The following KLHL3 variants were observed in gnomAD, a reference collection of about 807,000 sequenced individuals.
KLHL3 encodes kelch like family member 3, also known as kelch-like protein 3.
In KLHL3, 19 loss-of-function variants were observed where a neutral mutation model predicts 70.5. The ratio of observed to expected loss-of-function variants is 0.27; its 90% CI spans 0.19 to 0.40. KLHL3 has a LOEUF of 0.40. KLHL3 is among the 10% of genes least tolerant of loss of function. KLHL3 has a pLI of 1.00. For missense variants in KLHL3, 512 were observed against 771.1 expected (o/e 0.66, Z 3.98); for synonymous variants, 258 against 290.3 (o/e 0.89, Z 1.13).
At chr5:137,658,589 A>G (rs1195696902) in intron 7 of KLHL3, among the ~76,000 whole-genome samples, 1 of 152,228 alleles carries the variant, frequency 6.6e-6, no homozygotes, top group African/African-American at 2.4e-5. Context: ...TGAGGCTTAA[A>G]TGAGTTTATG....
chr5:137,670,677 C>T (rs1383377802), intron 6 of KLHL3, among the ~76,000 whole-genome samples: 1 of 151,850 alleles, frequency 6.6e-6, no homozygotes, highest in Non-Finnish European at 1.5e-5. Context: ...AACAAACAAA[C>T]AAAAAAACCT....
At chr5:137,700,387 A>G (rs1752541812) in intron 3 of KLHL3, among the ~76,000 whole-genome samples, 1 of 152,236 alleles carries the variant, frequency 6.6e-6, no homozygotes, top group African/African-American at 2.4e-5. Flanking sequence ...CCGGACTGTA[A>G]GAACCAAGAG....
At position 137,720,450 on chromosome 5, in the gene KLHL3, AG is replaced by A. The variant is rs1752976665; in HGVS notation, c.134+14del. 2 of 1,613,982 alleles carry A rather than the reference AG, an allele frequency of 1.2e-6. No homozygotes were observed. The highest frequency in any genetic ancestry group is 1.7e-6 in the Non-Finnish European group (2 of 1,179,964). The stretch of plus-strand genomic sequence containing the variant: ...AGTTCCTTCTGCAAGGGCACGGACA[AG>A]ATAGAAAAAGTACCTCCGCAGTTCA... On this transcript the variant is annotated intron_variant, in intron 2 of 14. Coordinates refer to ENST00000309755, the MANE Select transcript of KLHL3 (RefSeq NM_017415.3).
intron 14 of KLHL3, among the ~76,000 whole-genome samples, chr5:137,625,540 G>A (rs1158906132): frequency 6.6e-6 from 1 of 152,166 alleles, no homozygotes; most frequent in Non-Finnish European, 1.5e-5. Flanking sequence ...TTCGGGCAGG[G>A]GCAGGGGTTA....
chr5:137,655,259 T>G (rs1254667701), intron 8 of KLHL3, among the ~76,000 whole-genome samples: 2 of 152,118 alleles, frequency 1.3e-5, no homozygotes, highest in African/African-American at 4.8e-5. Flanking sequence ...CTTGTGGAAA[T>G]TTAGATCATA....
At chr5:137,680,250 A>C (rs928827950) in intron 5 of KLHL3, among the ~76,000 whole-genome samples, 5 of 152,042 alleles carry the variant, frequency 3.3e-5, no homozygotes, top group Non-Finnish European at 5.9e-5. Flanking sequence ...TTTGCTTTTA[A>C]TGTATTAATG....
chr5:137,628,557 G>A (rs1163315994), intron 12 of KLHL3, 120 bp from the exon 13 acceptor site: 1 of 1,076,972 alleles, frequency 9.3e-7, no homozygotes, highest in Non-Finnish European at 1.3e-6. Flanking sequence ...GTGCCATTTT[G>A]TCTCCCTGGA....
intron 2 of KLHL3, among the ~76,000 whole-genome samples, chr5:137,714,911 T>C (rs1580782944): frequency 6.6e-6 from 1 of 152,316 alleles, no homozygotes; most frequent in East Asian, 1.9e-4. Flanking sequence ...AGAGAACTGT[T>C]TGCAATGGTG....
chr5:137,619,073 T>C lies in KLHL3; in HGVS notation c.*3025A>G, dbSNP rs1183554014. 1 of 152,580 alleles carries C rather than the reference T, an allele frequency of 6.6e-6. No individual in the cohort carries two copies. Among genetic ancestry groups the C allele is most frequent in the Non-Finnish European group, 1.5e-5 (1 of 68,026 alleles). The allele number at this position is 152,580 out of a possible 1,614,324, so 9.5% of individuals were successfully genotyped here. On this transcript the variant is annotated 3_prime_UTR_variant, in exon 15 of 15. Transcript: ENST00000309755. ...GATTCAAACTCTTGAAAAAAATATCTTATAAAAATATCTACGTTAAAATTT... is the reference window on the plus strand; with the variant it reads ...GATTCAAACTCTTGAAAAAAATATCCTATAAAAATATCTACGTTAAAATTT...
chr5:137,663,299 C>T (rs949269417), intron 6 of KLHL3, among the ~76,000 whole-genome samples: 8 of 151,538 alleles, frequency 5.3e-5, no homozygotes, highest in African/African-American at 9.7e-5. Flanking sequence ...TCAAGTGATC[C>T]GCCTGCCTTA....
At chr5:137,674,067 A>G (rs1751827570) in intron 6 of KLHL3, among the ~76,000 whole-genome samples, 2 of 152,174 alleles carry the variant, frequency 1.3e-5, no homozygotes, top group Non-Finnish European at 2.9e-5. Flanking sequence ...AATAGCAGCA[A>G]TAACAACAGT....
At chr5:137,650,617 C>A (rs1235404854) in intron 8 of KLHL3, among the ~76,000 whole-genome samples, 1 of 151,940 alleles carries the variant, frequency 6.6e-6, no homozygotes, top group Non-Finnish European at 1.5e-5. Context: ...GTCAGGAGTT[C>A]GAGACCAGCC....
intron 7 of KLHL3, 51 bp downstream of exon 7, chr5:137,661,864 C>T: frequency 9.7e-7 from 1 of 1,034,376 alleles, no homozygotes; most frequent in Non-Finnish European, 1.5e-6. Context: ...ATTGCTATTC[C>T]TACAGGTCTG....
intron 8 of KLHL3, among the ~76,000 whole-genome samples, chr5:137,648,878 G>A (rs567954934): frequency 6.6e-6 from 1 of 152,258 alleles, no homozygotes; most frequent in South Asian, 2.1e-4. Flanking sequence ...CCTGCCCTTG[G>A]AATTCCTATG....
At chr5:137,635,003 C>A (rs1750732888) in intron 11 of KLHL3, among the ~76,000 whole-genome samples, 2 of 152,188 alleles carry the variant, frequency 1.3e-5, no homozygotes, top group South Asian at 4.1e-4. Flanking sequence ...GGGGAGGAGT[C>A]ACACTAGCTG....
rs1455651437 is a variant in KLHL3 at position 137,698,294 on chromosome 5, T to G, written c.356A>C (p.Asn119Thr). 15 of 1,614,206 alleles carry G rather than the reference T, an allele frequency of 9.3e-6. No individual in the cohort carries two copies. The highest frequency in any genetic ancestry group is 1.3e-5 in the Non-Finnish European group (15 of 1,180,022). The part of the protein sequence containing the change: ...YTAEIEVTEE[N>T]VQVLLPAASL... ...TAGTGAGCCTGAGTTTACCTGGACA[T>G]TCTCTTCAGTCACCTCGATTTCAGC... Residue 119 changes from asparagine (N) to threonine (T), a missense_variant, in exon 4 of 15, where the codon AAT (asparagine) becomes ACT (threonine). Physicochemically the swap from Asn to Thr is moderately conservative, Grantham distance 65. Coordinates refer to ENST00000309755, the MANE Select transcript of KLHL3 (RefSeq NM_017415.3).
In KLHL3 at chr5:137,618,718, C is replaced by T. The variant is rs1349801307; in HGVS notation, c.*3380G>A. The T allele has an allele frequency of 6.6e-6, 1 of 151,080 alleles. No homozygotes were observed. The highest frequency in any genetic ancestry group is 1.5e-5 in the Non-Finnish European group (1 of 67,858). 9.4% of individuals were successfully genotyped at this position (151,080 alleles called of 1,614,324 possible). A position where few individuals can be genotyped will look rare whatever the true frequency, so the allele number is the denominator to read the frequency against. ...GCTCAGTGCCCGTCAGTGGGAGCCA[C>T]CACGAGACAGCCCGGCCTCACCCCC... is the stretch of plus-strand genomic sequence containing the variant. On this transcript the variant is annotated 3_prime_UTR_variant, in exon 15 of 15. Transcript: ENST00000309755.
At chr5:137,650,503 G>A (rs1165324739) in intron 8 of KLHL3, among the ~76,000 whole-genome samples, 1 of 152,160 alleles carries the variant, frequency 6.6e-6, no homozygotes, top group Non-Finnish European at 1.5e-5. Flanking sequence ...CTCTATGGAA[G>A]TATGTTGGAT....
intron 5 of KLHL3, among the ~76,000 whole-genome samples, chr5:137,681,329 G>A (rs1000743253): frequency 6.6e-6 from 1 of 152,132 alleles, no homozygotes; most frequent in African/African-American, 2.4e-5. Flanking sequence ...CAGAACTGAT[G>A]TCTACAAGGA....
Sources: gnomAD v4.1 joint callset for allele counts (sites outside exome capture counted in the v4.1 genomes callset) on GRCh38, gnomAD v4.1.1 for gene constraint, MANE v1.5 for transcripts, NCBI Gene and HGNC (gene_info 2026-07-23, HGNC 2026-07-21) for gene names.